Variants in TANC2 observed in about 807,000 individuals in gnomAD.
TANC2 encodes the protein protein TANC2.
TANC2 carries 26 observed loss-of-function variants against 210.5 expected under a neutral mutation model. The ratio of observed to expected loss-of-function variants is 0.12; its 90% CI spans 0.09 to 0.17. The LOEUF (loss-of-function observed/expected upper bound fraction) is 0.17, where lower values mean the gene tolerates loss of function less well. Among genes scored for constraint, TANC2 ranks in the 10% least tolerant of loss-of-function variants. The pLI is 1.00. For missense variants in TANC2, 2,129 were observed against 2,608.9 expected, an observed-to-expected ratio of 0.82 and a Z score of 4.01; for synonymous variants, 931 against 967.1, an observed-to-expected ratio of 0.96 and a Z score of 0.69.
intron 13 of TANC2, among the ~76,000 whole-genome samples, chr17:63,352,067 G>T (rs572759503): frequency 6.6e-6 from 1 of 152,142 alleles, no homozygotes; most frequent in East Asian, 1.9e-4. Context: ...AAAGATAAAT[G>T]ACTCTGCTTT....
At chr17:63,199,451 T>G (rs2041456165) in intron 6 of TANC2, among the ~76,000 whole-genome samples, 2 of 152,034 alleles carry the variant, frequency 1.3e-5, no homozygotes, top group South Asian at 4.1e-4. Flanking sequence ...AAACCCCGTC[T>G]CTACTAAAAC....
At chr17:63,335,266 G>C (rs2045987151) in intron 11 of TANC2, among the ~76,000 whole-genome samples, 1 of 152,088 alleles carries the variant, frequency 6.6e-6, no homozygotes, top group Non-Finnish European at 1.5e-5. Context: ...GAAAACATCA[G>C]ACAAACCCAA....
chr17:63,114,196 T>G lies in TANC2; in HGVS notation c.322+14839T>G, dbSNP rs551303784. On this transcript the variant is annotated intron_variant, in intron 4 of 27. Coordinates refer to ENST00000689528, the Ensembl canonical transcript of TANC2. ...ATCATTTAGAGGTAGCATCACACATTTGGGATAATTTTATTCAGGGTTTAG... is the reference window on the plus strand; with the variant it reads ...ATCATTTAGAGGTAGCATCACACATGTGGGATAATTTTATTCAGGGTTTAG... Among the ~76,000 whole-genome samples, 12 of 152,304 alleles carry G rather than the reference T, an allele frequency of 7.9e-5. No homozygotes were observed. The South Asian group carries it at 2.5e-3, about 32-fold the overall frequency.
chr17:63,043,676 C>G (rs2035275256), intron 2 of TANC2, among the ~76,000 whole-genome samples: 1 of 152,108 alleles, frequency 6.6e-6, no homozygotes, highest in South Asian at 2.1e-4. Flanking sequence ...TATGTATATT[C>G]TGGCAGAAAC....
chr17:63,226,090 T>C (rs963831083), intron 7 of TANC2, among the ~76,000 whole-genome samples: 3 of 152,298 alleles, frequency 2.0e-5, no homozygotes, highest in Admixed American at 1.3e-4. Flanking sequence ...CACAAATTAC[T>C]GTGTCACAAA....
At chr17:63,052,195 C>T (rs939005622) in intron 2 of TANC2, among the ~76,000 whole-genome samples, 3 of 152,046 alleles carry the variant, frequency 2.0e-5, no homozygotes, top group Non-Finnish European at 4.4e-5. Context: ...TGCCAGATGT[C>T]GTCGTATATT....
chr17:63,094,144 T>C (rs2037302138), intron 3 of TANC2, among the ~76,000 whole-genome samples: 2 of 152,192 alleles, frequency 1.3e-5, no homozygotes, highest in Non-Finnish European at 2.9e-5. Context: ...TACTGACTTA[T>C]TTTTTCTTAT....
chr17:63,340,106 T>C, exon 12 of TANC2: 1 of 1,613,420 alleles, frequency 6.2e-7, no homozygotes, highest in Non-Finnish European at 8.5e-7. Flanking sequence ...TGCAGGTGGT[T>C]GCCTATCACT....
intron 7 of TANC2, among the ~76,000 whole-genome samples, chr17:63,220,743 T>C (rs2042158424): frequency 6.8e-6 from 1 of 146,642 alleles, no homozygotes; most frequent in Admixed American, 6.8e-5. Flanking sequence ...TATATGTATA[T>C]ATATATGTGT....
chr17:63,022,453 C>A (rs1362579938), intron 2 of TANC2, among the ~76,000 whole-genome samples: 1 of 151,740 alleles, frequency 6.6e-6, no homozygotes, highest in African/African-American at 2.4e-5. Context: ...GCTATGGGAG[C>A]AAAGGGATGA....
rs1328590159 is a variant in TANC2, at chr17:62,966,407, G to A, written c.-366G>A. ...TGCCCTCCCGCCGCCACCGCCCTCC[G>A]CGCCTCCTTCGGGCGGCCCCGCCCC... On this transcript the variant is annotated 5_prime_UTR_variant, in exon 1 of 28. Transcript: ENST00000689528. This position sits in a 1 kb window ranked among gnomAD's most constrained non-coding sequence, Gnocchi z 5.1. Among the ~76,000 whole-genome samples the A allele has an allele frequency of 6.8e-6, 1 of 147,538 alleles. No individual in the cohort carries two copies. Among genetic ancestry groups the A allele is most frequent in the African/African-American group, 2.4e-5 (1 of 40,916 alleles).
At chr17:63,175,533 CA>C (rs57220783) in intron 5 of TANC2, among the ~76,000 whole-genome samples, 78 of 103,382 alleles carry the variant, frequency 7.5e-4, no homozygotes, top group East Asian at 6.8e-3. Context: ...TCTCCCCCGC[CA>C]AAAAAAAAAA....
chr17:63,212,357 TA>T (rs1757909164), intron 7 of TANC2, among the ~76,000 whole-genome samples: 1 of 152,190 alleles, frequency 6.6e-6, no homozygotes, highest in African/African-American at 2.4e-5. Flanking sequence ...GTTCTTTTGA[TA>T]TTATTAGATT....
intron 2 of TANC2, among the ~76,000 whole-genome samples, chr17:63,046,394 G>A (rs1158677017): frequency 2.8e-5 from 4 of 142,498 alleles, no homozygotes; most frequent in African/African-American, 1.1e-4. Flanking sequence ...GTGCAGTGGC[G>A]CCATCTCGGT....
exon 9 of TANC2, chr17:63,267,821 A>G: frequency 6.2e-7 from 1 of 1,613,242 alleles, no homozygotes; most frequent in South Asian, 1.1e-5. Flanking sequence ...GAACTTCTCT[A>G]CGAATGCCAA....
intron 5 of TANC2, among the ~76,000 whole-genome samples, chr17:63,159,416 CAACT>C (rs1358432233): frequency 6.6e-6 from 1 of 152,066 alleles, no homozygotes; most frequent in Non-Finnish European, 1.5e-5. Context: ...TATAAAATAT[CAACT>C]AAGCTAAAAT....
intron 2 of TANC2, among the ~76,000 whole-genome samples, chr17:63,036,636 A>G (rs1286894695): frequency 6.6e-6 from 1 of 152,190 alleles, no homozygotes; most frequent in Non-Finnish European, 1.5e-5. Context: ...TTGTCTATCT[A>G]TAAAAAGATC....
chr17:63,220,516 G>A (rs546596045), intron 7 of TANC2, among the ~76,000 whole-genome samples: 35 of 150,820 alleles, frequency 2.3e-4, no homozygotes, highest in Non-Finnish European at 4.3e-4. Context: ...AGCCTGGCCA[G>A]CATGGTGAAA....
intron 11 of TANC2, among the ~76,000 whole-genome samples, chr17:63,322,972 C>T (rs187148120): frequency 8.2e-4 from 125 of 152,212 alleles, no homozygotes; most frequent in African/African-American, 3.0e-3. Context: ...GACATGGAAT[C>T]CTGTTCAGCT....
Sources: gnomAD v4.1 joint callset for allele counts (sites outside exome capture counted in the v4.1 genomes callset) on GRCh38, gnomAD v4.1.1 for gene constraint, Gnocchi (gnomAD v3.1) non-coding constraint, MANE v1.5 for transcripts, NCBI Gene and HGNC (gene_info 2026-07-23, HGNC 2026-07-21) for gene names.